Variants in ZRANB3 observed in about 807,000 individuals in gnomAD.
ZRANB3 encodes the protein DNA annealing helicase and endonuclease ZRANB3.
A neutral mutation model predicts 133.8 loss-of-function variants in ZRANB3; 125 were observed. The ratio of observed to expected loss-of-function variants is 0.93; its 90% CI spans 0.81 to 1.08. The LOEUF (loss-of-function observed/expected upper bound fraction) is 1.08. Ranked by LOEUF, ZRANB3 falls within the 50% of genes least tolerant of loss-of-function variation. The pLI is 0.00. For synonymous variants in ZRANB3, 387 were observed against 432.7 expected (o/e 0.89, Z 1.31); for missense variants, 1,229 against 1,275.5 (o/e 0.96, Z 0.56).
At chr2:135,483,768 T>C (rs1350578119) in intron 2 of ZRANB3, among the ~76,000 whole-genome samples, 1 of 152,246 alleles carries the variant, frequency 6.6e-6, no homozygotes, top group Non-Finnish European at 1.5e-5. Context: ...AATTTCCCTC[T>C]ACACACTGCT....
intron 12 of ZRANB3, among the ~76,000 whole-genome samples, chr2:135,243,720 G>A (rs1272366427): frequency 6.6e-6 from 1 of 152,064 alleles, no homozygotes; most frequent in Non-Finnish European, 1.5e-5. Flanking sequence ...CTGGGCTCAA[G>A]AGATGCTCTT....
At chr2:135,205,336 C>T (rs1166996690) in intron 19 of ZRANB3, among the ~76,000 whole-genome samples, 1 of 152,150 alleles carries the variant, frequency 6.6e-6, no homozygotes, top group Non-Finnish European at 1.5e-5. Context: ...GTGGCACCAT[C>T]ACAGCTCACT....
chr2:135,359,798 T>C (rs1490381994), intron 3 of ZRANB3, among the ~76,000 whole-genome samples: 1 of 152,144 alleles, frequency 6.6e-6, no homozygotes, highest in East Asian at 1.9e-4. Flanking sequence ...AGTTTAAAGA[T>C]TATGTAGTGA....
chr2:135,530,803 T>A (rs1339843052), intron 1 of ZRANB3: 6 of 152,240 alleles, frequency 3.9e-5, no homozygotes, highest in Admixed American at 3.9e-4. Context: ...CCCTTTTCAT[T>A]GGCTGAAGCG....
intron 3 of ZRANB3, among the ~76,000 whole-genome samples, chr2:135,365,628 G>C (rs527419824): frequency 6.6e-6 from 1 of 152,162 alleles, no homozygotes; most frequent in Non-Finnish European, 1.5e-5. Context: ...AAACAAAAGG[G>C]TGTTTCAAAA....
At chr2:135,358,313 G>A (rs558833561) in intron 3 of ZRANB3, among the ~76,000 whole-genome samples, 11 of 151,980 alleles carry the variant, frequency 7.2e-5, no homozygotes, top group South Asian at 2.1e-4. Flanking sequence ...TTTTATCTTC[G>A]TATCTACATG....
At chr2:135,414,556 G>C (rs567013860) in intron 2 of ZRANB3, among the ~76,000 whole-genome samples, 57 of 152,202 alleles carry the variant, frequency 3.7e-4, no homozygotes, top group African/African-American at 1.3e-3. Flanking sequence ...GAGACAGAAA[G>C]TTAACAAGGA....
intron 2 of ZRANB3, among the ~76,000 whole-genome samples, chr2:135,424,521 T>A (rs1688991123): frequency 6.6e-6 from 1 of 152,096 alleles, no homozygotes; most frequent in South Asian, 2.1e-4. Flanking sequence ...CCACTTGAGG[T>A]CAGGCATTCA....
chr2:135,229,554 AGACGGG>A (rs1437004398), intron 13 of ZRANB3, among the ~76,000 whole-genome samples: 3 of 151,730 alleles, frequency 2.0e-5, no homozygotes, highest in African/African-American at 7.3e-5. Context: ...TTTTTAGTAG[AGACGGG>A]GTTTCACCGT....
intron 12 of ZRANB3, among the ~76,000 whole-genome samples, chr2:135,244,359 A>G (rs1479705325): frequency 6.6e-6 from 1 of 152,160 alleles, no homozygotes; most frequent in African/African-American, 2.4e-5. Flanking sequence ...TAATCTCAGC[A>G]CTTTGGGAGG....
rs1283925447 is a variant in ZRANB3 at position 135,231,208 on chromosome 2, T to G, written c.1540-281A>C. 2.0e-5 allele frequency among the ~76,000 whole-genome samples: 3 copies of G among 152,162 alleles called. No individual in the cohort carries two copies. The East Asian group carries it at 5.8e-4, about 29-fold the overall frequency. ...TCATTTAATCCTCACATCAGCTCTATGAAGTCAATACTAGTATTATTATAA... is the reference window on the plus strand; with the variant it reads ...TCATTTAATCCTCACATCAGCTCTAGGAAGTCAATACTAGTATTATTATAA... On this transcript the variant is annotated intron_variant, in intron 12 of 20. Coordinates refer to ENST00000264159, the MANE Select transcript of ZRANB3 (RefSeq NM_032143.4).
chr2:135,251,477 C>T (rs1018145818), intron 12 of ZRANB3, among the ~76,000 whole-genome samples: 2 of 152,048 alleles, frequency 1.3e-5, no homozygotes, highest in Admixed American at 6.6e-5. Context: ...GTGTCCCCAC[C>T]CAAATCTCAA....
intron 8 of ZRANB3, among the ~76,000 whole-genome samples, chr2:135,304,072 A>G (rs1240709397): frequency 6.6e-6 from 1 of 152,098 alleles, no homozygotes; most frequent in Non-Finnish European, 1.5e-5. Context: ...CTGCTTTTTG[A>G]TATGTACACC....
At chr2:135,265,497 TA>T (rs748715807) in intron 12 of ZRANB3, 36 bp downstream of exon 12, 361 of 1,540,922 alleles carry the variant, frequency 2.3e-4, no homozygotes, top group South Asian at 7.4e-4. Flanking sequence ...TTCAGGATAC[TA>T]AAAAAAATAG....
At chr2:135,502,972 A>G (rs925452278) in intron 2 of ZRANB3, among the ~76,000 whole-genome samples, 2 of 152,236 alleles carry the variant, frequency 1.3e-5, no homozygotes, top group Non-Finnish European at 2.9e-5. Flanking sequence ...AATTTTAAGA[A>G]GTTTTTCATA....
intron 2 of ZRANB3, among the ~76,000 whole-genome samples, chr2:135,415,284 G>A (rs1312419686): frequency 2.0e-5 from 3 of 151,496 alleles, no homozygotes; most frequent in Non-Finnish European, 4.4e-5. Flanking sequence ...TATCACCACC[G>A]ATCCCACAGA....
intron 2 of ZRANB3, among the ~76,000 whole-genome samples, chr2:135,487,010 C>G (rs1692153112): frequency 6.6e-6 from 1 of 152,190 alleles, no homozygotes; most frequent in Non-Finnish European, 1.5e-5. Context: ...TCTTTGGCAA[C>G]TACAGCCTTA....
chr2:135,208,852 A>G lies in ZRANB3; in HGVS notation c.2606+16T>C. 6.3e-7 allele frequency: 1 copy of G among 1,598,320 alleles called. No individual in the cohort carries two copies. Among genetic ancestry groups the G allele is most frequent in the Non-Finnish European group, 8.6e-7 (1 of 1,165,630 alleles). ...GGAATTAGTACTACTATATACTAGT[A>G]GTAGAAAAACCTTACTTTGTGAAAG... is the stretch of plus-strand genomic sequence containing the variant. On this transcript the variant is annotated intron_variant, in intron 18 of 20. Coordinates refer to ENST00000264159, the MANE Select transcript of ZRANB3 (RefSeq NM_032143.4).
intron 6 of ZRANB3, among the ~76,000 whole-genome samples, chr2:135,326,902 A>G (rs1285725338): frequency 1.1e-5 from 1 of 90,376 alleles, no homozygotes; most frequent in Admixed American, 1.2e-4. Flanking sequence ...CCATCTCAAA[A>G]AAAAAAAAAA....
Sources: allele counts gnomAD v4.1 joint callset (sites outside exome capture counted in the v4.1 genomes callset), GRCh38; gene constraint gnomAD v4.1.1; transcripts MANE v1.5; gene names NCBI Gene and HGNC (gene_info 2026-07-23, HGNC 2026-07-21).